The following UGGT2 variants were observed in gnomAD, a reference collection of about 807,000 sequenced individuals.
UGGT2 encodes the protein UDP-glucose:glycoprotein glucosyltransferase 2.
A neutral mutation model predicts 192.1 loss-of-function variants in UGGT2; 180 were observed. The observed-to-expected ratio is 0.94, with a 90% confidence interval of 0.83 to 1.06. The LOEUF is 1.06. UGGT2 is among the 50% of genes least tolerant of loss of function. The pLI is 0.00. For synonymous variants in UGGT2, 580 were observed against 591.0 expected, an observed-to-expected ratio of 0.98 and a Z score of 0.27; for missense variants, 1,849 against 1,795.7, an observed-to-expected ratio of 1.03 and a Z score of -0.54.
intron 26 of UGGT2, chr13:95,887,250 T>G: frequency 3.9e-6 from 2 of 511,212 alleles, no homozygotes; most frequent in Non-Finnish European, 7.8e-6. Flanking sequence ...CTTAAAAAGC[T>G]ATACTAGTGC....
At chr13:95,948,340 ATCT>A (rs1183281775) in intron 13 of UGGT2, among the ~76,000 whole-genome samples, 1 of 152,068 alleles carries the variant, frequency 6.6e-6, no homozygotes, top group East Asian at 1.9e-4. Flanking sequence ...CAGGCTACTC[ATCT>A]TCTTTTTGGA....
intron 12 of UGGT2, among the ~76,000 whole-genome samples, chr13:95,962,087 G>C (rs1404489909): frequency 1.3e-5 from 2 of 152,108 alleles, no homozygotes; most frequent in African/African-American, 4.8e-5. Context: ...AGCAAAAGCA[G>C]TGCCAATAAA....
intron 18 of UGGT2, 40 bp from the exon 19 acceptor site, chr13:95,927,166 A>G (rs377687753): frequency 1.7e-5 from 28 of 1,605,998 alleles, no homozygotes; most frequent in Middle Eastern, 1.7e-4. Flanking sequence ...TAAATAAAGA[A>G]TTCACAACTC....
chr13:96,006,318 G>C (rs1443488613), intron 5 of UGGT2, among the ~76,000 whole-genome samples: 1 of 152,066 alleles, frequency 6.6e-6, no homozygotes, highest in African/African-American at 2.4e-5. Flanking sequence ...AAGTAAACTT[G>C]ATATAGCCAA....
At chr13:95,965,245 A>C (rs1212628959) in intron 12 of UGGT2, among the ~76,000 whole-genome samples, 1 of 150,802 alleles carries the variant, frequency 6.6e-6, no homozygotes, top group African/African-American at 2.4e-5. Flanking sequence ...TACTGGGTAT[A>C]TACCCAAAGG....
chr13:96,015,266 A>G (rs1332078623), intron 4 of UGGT2, among the ~76,000 whole-genome samples: 3 of 146,298 alleles, frequency 2.1e-5, no homozygotes, highest in African/African-American at 7.6e-5. Context: ...CAACAGAGCA[A>G]GACTCCGTCT....
intron 10 of UGGT2, among the ~76,000 whole-genome samples, chr13:95,983,232 G>A (rs1159242070): frequency 2.0e-5 from 3 of 152,144 alleles, no homozygotes; most frequent in Non-Finnish European, 4.4e-5. Context: ...CAGGTAAGAA[G>A]TGAGAAAAAT....
chr13:95,809,310 C>T (rs1884466309), intron 38 of UGGT2: 1 of 502,926 alleles, frequency 2.0e-6, no homozygotes, highest in Non-Finnish European at 4.0e-6. Flanking sequence ...GGATATTAAT[C>T]AGACTTGGCT....
intron 2 of UGGT2, among the ~76,000 whole-genome samples, chr13:96,026,655 TCTTC>T (rs2052673443): frequency 6.9e-6 from 1 of 145,426 alleles, no homozygotes; most frequent in Non-Finnish European, 1.5e-5. Context: ...CCTCTTTCAC[TCTTC>T]TTTTTTTTTT....
chr13:96,028,601 T>C (rs907963190), intron 2 of UGGT2, among the ~76,000 whole-genome samples: 6 of 152,206 alleles, frequency 3.9e-5, no homozygotes, highest in Admixed American at 2.0e-4. Context: ...GGCAATTCAT[T>C]GCTTAAAAAG....
intron 15 of UGGT2, among the ~76,000 whole-genome samples, chr13:95,943,397 C>T (rs2049756279): frequency 1.3e-5 from 2 of 152,008 alleles, no homozygotes; most frequent in South Asian, 4.1e-4. Flanking sequence ...ACAAAACTGA[C>T]CTTCCCCCCA....
chr13:95,957,579 G>A (rs990447319), intron 12 of UGGT2, among the ~76,000 whole-genome samples: 1 of 152,236 alleles, frequency 6.6e-6, no homozygotes, highest in Admixed American at 6.5e-5. Context: ...AGACAACTCA[G>A]GGAAATGGGG....
At chr13:95,836,735 T>C (rs1887326213) in intron 37 of UGGT2, among the ~76,000 whole-genome samples, 1 of 152,272 alleles carries the variant, frequency 6.6e-6, no homozygotes, top group African/African-American at 2.4e-5. Flanking sequence ...TCCCGTGTGA[T>C]ATCACAGAGA....
chr13:95,908,727 T>G (rs2048373637), intron 20 of UGGT2, among the ~76,000 whole-genome samples: 1 of 143,702 alleles, frequency 7.0e-6, no homozygotes, highest in Non-Finnish European at 1.5e-5. Flanking sequence ...ATGTGTTTTT[T>G]GGCTGCATAA....
At chr13:96,035,357 A>G (rs1461160078) in intron 1 of UGGT2, among the ~76,000 whole-genome samples, 2 of 152,234 alleles carry the variant, frequency 1.3e-5, no homozygotes, top group African/African-American at 4.8e-5. Context: ...CTGGCTAGCC[A>G]TATGCAGAAA....
chr13:95,817,069 A>G (rs1466034972), intron 38 of UGGT2, among the ~76,000 whole-genome samples: 1 of 152,306 alleles, frequency 6.6e-6, no homozygotes, highest in Admixed American at 6.5e-5. Context: ...TGGAGGTTGC[A>G]GTGAGCTGAG....
intron 1 of UGGT2, among the ~76,000 whole-genome samples, chr13:96,045,804 A>C (rs2053293276): frequency 1.3e-5 from 2 of 152,182 alleles, no homozygotes; most frequent in African/African-American, 4.8e-5. Context: ...TCTACAAGGA[A>C]AACTACAAAA....
At chr13:96,011,059 T>C (rs2052146861) in intron 5 of UGGT2, among the ~76,000 whole-genome samples, 1 of 152,094 alleles carries the variant, frequency 6.6e-6, no homozygotes, top group Non-Finnish European at 1.5e-5. Context: ...TATCCATATG[T>C]AGAAAAATAA....
intron 1 of UGGT2, 53 bp from the exon 2 acceptor site, chr13:96,032,024 G>A (rs952866717): frequency 2.8e-5 from 39 of 1,377,226 alleles, no homozygotes; most frequent in Non-Finnish European, 3.6e-5. Context: ...AAATGGTTTA[G>A]ATACTATAAA....
Sources: allele counts gnomAD v4.1 joint callset (sites outside exome capture counted in the v4.1 genomes callset), GRCh38; gene constraint gnomAD v4.1.1; transcripts MANE v1.5; gene names NCBI Gene and HGNC (gene_info 2026-07-23, HGNC 2026-07-21).